Variants in LRRTM4 observed in about 807,000 individuals in gnomAD.
The protein encoded by LRRTM4 is leucine-rich repeat transmembrane neuronal protein 4.
Under a neutral mutation model 47.6 loss-of-function variants are expected in LRRTM4, and 25 were observed. The observed-to-expected ratio is 0.53, with a 90% confidence interval of 0.38 to 0.73. LRRTM4 has a LOEUF of 0.73. LRRTM4 is among the 30% of genes least tolerant of loss of function. The pLI is 0.00. For missense variants in LRRTM4, 638 were observed against 713.4 expected (o/e 0.89, Z 1.20); for synonymous variants, 311 against 269.5 (o/e 1.15, Z -1.51).
intron 3 of LRRTM4, among the ~76,000 whole-genome samples, chr2:76,772,222 T>A (rs1044413667): frequency 3.3e-5 from 5 of 152,080 alleles, no homozygotes; most frequent in African/African-American, 1.2e-4. Flanking sequence ...TGCAGACACA[T>A]TGAGAAGACG....
intron 3 of LRRTM4, among the ~76,000 whole-genome samples, chr2:76,780,780 A>T (rs1400528338): frequency 6.6e-6 from 1 of 150,988 alleles, no homozygotes; most frequent in Non-Finnish European, 1.5e-5. Flanking sequence ...TTCTCCATCC[A>T]GCTTTGTTCC....
chr2:77,089,604 CTCTT>C (rs1396206509), intron 3 of LRRTM4, among the ~76,000 whole-genome samples: 2 of 151,960 alleles, frequency 1.3e-5, no homozygotes, highest in Admixed American at 6.6e-5. Flanking sequence ...TCTCTACTCT[CTCTT>C]TTCTCTAGGC....
intron 3 of LRRTM4, among the ~76,000 whole-genome samples, chr2:77,216,058 T>C (rs1674429302): frequency 6.6e-6 from 1 of 151,338 alleles, no homozygotes; most frequent in Non-Finnish European, 1.5e-5. Context: ...CTATTTTTTG[T>C]AGAAAAGCTG....
At chr2:77,365,501 T>C (rs1028637962) in intron 3 of LRRTM4, among the ~76,000 whole-genome samples, 2 of 151,886 alleles carry the variant, frequency 1.3e-5, no homozygotes, top group African/African-American at 2.4e-5. Flanking sequence ...AGTTTGGACA[T>C]CTCTCTAAAA....
intron 3 of LRRTM4, among the ~76,000 whole-genome samples, chr2:76,954,714 A>G (rs766011695): frequency 1.4e-4 from 21 of 151,860 alleles, no homozygotes; most frequent in Non-Finnish European, 2.9e-4. Flanking sequence ...TGAAATGAAC[A>G]TAAAGAAGCC....
chr2:77,325,525 G>C (rs1327124726), intron 3 of LRRTM4, among the ~76,000 whole-genome samples: 3 of 152,138 alleles, frequency 2.0e-5, no homozygotes, highest in Non-Finnish European at 2.9e-5. Flanking sequence ...CGTGGGAATG[G>C]GAGAGAGAGT....
At chr2:76,960,852 C>A (rs990159101) in intron 3 of LRRTM4, among the ~76,000 whole-genome samples, 1 of 151,306 alleles carries the variant, frequency 6.6e-6, no homozygotes, top group African/African-American at 2.4e-5. Context: ...ATTTAAAGAG[C>A]TTTGTGGAAT....
intron 3 of LRRTM4, among the ~76,000 whole-genome samples, chr2:76,935,685 A>C (rs1324191926): frequency 6.6e-6 from 1 of 152,172 alleles, no homozygotes; most frequent in East Asian, 1.9e-4. Flanking sequence ...ATTTTTGTAC[A>C]TTGATTTTGT....
At chr2:76,812,696 T>TTTCTTTCTTTC (rs370561225) in intron 3 of LRRTM4, among the ~76,000 whole-genome samples, 4 of 96,550 alleles carry the variant, frequency 4.1e-5, no homozygotes, top group South Asian at 3.7e-4. Context: ...TCTTTCTTTC[T>TTTCTTTCTTTC]TTTCTTTCTT....
intron 3 of LRRTM4, among the ~76,000 whole-genome samples, chr2:76,983,697 C>G (rs2103972057): frequency 6.6e-6 from 1 of 152,014 alleles, no homozygotes; most frequent in Non-Finnish European, 1.5e-5. Flanking sequence ...TTTTCAAAAT[C>G]ATACATGAGA....
chr2:77,304,161 A>G (rs1044044439), intron 3 of LRRTM4, among the ~76,000 whole-genome samples: 3 of 152,236 alleles, frequency 2.0e-5, no homozygotes, highest in African/African-American at 7.2e-5. Flanking sequence ...ATGAAGTGAT[A>G]TCTTATTGGG....
intron 3 of LRRTM4, among the ~76,000 whole-genome samples, chr2:77,042,134 G>T (rs189064453): frequency 6.6e-6 from 1 of 151,554 alleles, no homozygotes; most frequent in Non-Finnish European, 1.5e-5. Context: ...TTAGATAATA[G>T]TATTATATCA....
At chr2:77,183,699 A>T (rs1193547105) in intron 3 of LRRTM4, among the ~76,000 whole-genome samples, 1 of 151,720 alleles carries the variant, frequency 6.6e-6, no homozygotes, top group Non-Finnish European at 1.5e-5. Flanking sequence ...CAACAATGAT[A>T]GACTGGATTA....
intron 3 of LRRTM4, among the ~76,000 whole-genome samples, chr2:76,841,165 T>C (rs1671664375): frequency 6.6e-6 from 1 of 151,242 alleles, no homozygotes; most frequent in South Asian, 2.1e-4. Flanking sequence ...CTCAGCAAGC[T>C]ATCGCAAGGA....
intron 3 of LRRTM4, among the ~76,000 whole-genome samples, chr2:77,412,227 T>G (rs192010954): frequency 1.6e-4 from 24 of 152,198 alleles, no homozygotes; most frequent in African/African-American, 5.1e-4. Flanking sequence ...GGTAAAAAAT[T>G]TAGGGGCAGC....
At chr2:76,908,442 A>T (rs1314564331) in intron 3 of LRRTM4, among the ~76,000 whole-genome samples, 1 of 151,172 alleles carries the variant, frequency 6.6e-6, no homozygotes, top group African/African-American at 2.4e-5. Flanking sequence ...CAAGACAGGG[A>T]TGCCCTCTCT....
At chr2:77,039,170 C>T (rs762692751) in intron 3 of LRRTM4, among the ~76,000 whole-genome samples, 14 of 151,180 alleles carry the variant, frequency 9.3e-5, no homozygotes, top group Non-Finnish European at 1.6e-4. Context: ...TTTAACAGAT[C>T]TGTCATCTTA....
At chr2:76,890,255 C>T (rs1261621501) in intron 3 of LRRTM4, among the ~76,000 whole-genome samples, 1 of 151,928 alleles carries the variant, frequency 6.6e-6, no homozygotes, top group Non-Finnish European at 1.5e-5. Flanking sequence ...ATCCAGGTCT[C>T]ATGATTCCAG....
chr2:76,860,173 A>T (rs1672271235), intron 3 of LRRTM4, among the ~76,000 whole-genome samples: 2 of 152,170 alleles, frequency 1.3e-5, no homozygotes, highest in Non-Finnish European at 2.9e-5. Context: ...ACAACAATAT[A>T]CTGTTCTCAG....
Sources: gnomAD v4.1 joint callset for allele counts (sites outside exome capture counted in the v4.1 genomes callset) on GRCh38, gnomAD v4.1.1 for gene constraint, MANE v1.5 for transcripts, NCBI Gene and HGNC (gene_info 2026-07-23, HGNC 2026-07-21) for gene names.